Variants in SPART observed in about 807,000 individuals in gnomAD.
SPART encodes the protein spastic paraplegia 20 (Troyer syndrome).
SPART carries 35 observed loss-of-function variants against 58.7 expected under a neutral mutation model. The ratio of observed to expected loss-of-function variants is 0.60; its 90% CI spans 0.46 to 0.79. The LOEUF (loss-of-function observed/expected upper bound fraction) is 0.79, where lower values mean the gene tolerates loss of function less well. Ranked by LOEUF, SPART falls within the 30% of genes least tolerant of loss-of-function variation. The pLI is 0.00. For synonymous variants in SPART, 284 were observed against 280.7 expected, an observed-to-expected ratio of 1.01 and a Z score of -0.12; for missense variants, 730 against 786.1, an observed-to-expected ratio of 0.93 and a Z score of 0.85.
Position 36,318,962 on chromosome 13 carries a change from C to T in SPART, c.1289-4541G>A, listed in dbSNP as rs374496480. Among the ~76,000 whole-genome samples the T allele has an allele frequency of 2.4e-4, 36 of 152,052 alleles. No individual in the cohort carries two copies. The East Asian group carries it at 2.7e-3, about 11-fold the overall frequency. On this transcript the variant is annotated intron_variant, in intron 5 of 8. Transcript: ENST00000438666. Reference sequence around the variant, plus strand: ...CGGAAGCCCCCTAGACCATCACGGACGCTGAGCTTCAGGTAACTCTAACAG... The same window carrying T: ...CGGAAGCCCCCTAGACCATCACGGATGCTGAGCTTCAGGTAACTCTAACAG...
upstream of SPART, among the ~76,000 whole-genome samples, chr13:36,348,161 C>G (rs1400895786): frequency 6.6e-6 from 1 of 152,124 alleles, no homozygotes; most frequent in Non-Finnish European, 1.5e-5. Context: ...TGGTACACAT[C>G]TGTAGTCCCA....
At chr13:36,312,688 CT>C (rs1294638193) in intron 6 of SPART, 6 of 588,302 alleles carry the variant, frequency 1.0e-5, no homozygotes, top group African/African-American at 3.7e-5. Context: ...AGTGATCCTC[CT>C]GCCTCTGCCT....
chr13:36,329,223 T>C (rs1830879053), intron 4 of SPART, 139 bp downstream of exon 4: 1 of 876,846 alleles, frequency 1.1e-6, no homozygotes, highest in Non-Finnish European at 1.9e-6. Flanking sequence ...ATTCTAATTG[T>C]TTTTGCCAGT....
intron 5 of SPART, among the ~76,000 whole-genome samples, chr13:36,321,415 T>A (rs1415848939): frequency 1.3e-5 from 2 of 152,186 alleles, no homozygotes; most frequent in Admixed American, 6.5e-5. Context: ...GTCGTCCCAA[T>A]TCTTAGACCT....
intron 1 of SPART, among the ~76,000 whole-genome samples, chr13:36,362,651 ATCTTGAGTAGGAGGAGCCCTACTCCT>A (rs377167700): frequency 0.013 from 1,929 of 152,180 alleles, 31 homozygotes; most frequent in African/African-American, 0.044. Context: ...TCTTGAGTAG[ATCTTGAGTAGGAGGAGCCCTACTCCT>A]CCACCAGGCT....
At chr13:36,324,118 A>G (rs952996387) in intron 5 of SPART, among the ~76,000 whole-genome samples, 3 of 152,146 alleles carry the variant, frequency 2.0e-5, no homozygotes, top group Non-Finnish European at 2.9e-5. Context: ...TGCTATTCTG[A>G]ATGTTAATCT....
chr13:36,349,350 T>C (rs779034996), upstream of SPART, among the ~76,000 whole-genome samples: 4 of 152,230 alleles, frequency 2.6e-5, no homozygotes, highest in Non-Finnish European at 5.9e-5. Flanking sequence ...CTTCCACGTA[T>C]GGTTAAGTTA....
rs1164203148 is a variant in SPART, at chr13:36,303,941, ATACTT to A, written c.*419_*423del. The A allele has an allele frequency of 1.2e-5, 2 of 171,452 alleles. No individual in the cohort carries two copies. The highest frequency in any genetic ancestry group is 2.8e-3 in the Middle Eastern group (1 of 362). 10.6% of individuals were successfully genotyped at this position (171,452 alleles called of 1,614,324 possible). A position where few individuals can be genotyped will look rare whatever the true frequency, so the allele number is the denominator to read the frequency against. On this transcript the variant is annotated 3_prime_UTR_variant, in exon 9 of 9. Coordinates refer to ENST00000438666, the MANE Select transcript of SPART (RefSeq NM_015087.5). ...ACAATTAGTGCAAAAAGAGGGGACA[ATACTT>A]TAAGTCATTCCTTCTATAAAAAGAA...
At chr13:36,306,140 T>A (rs1009362819) in intron 8 of SPART, among the ~76,000 whole-genome samples, 1 of 152,202 alleles carries the variant, frequency 6.6e-6, no homozygotes, top group Non-Finnish European at 1.5e-5. Context: ...CTTCCAAGTC[T>A]GTACTACTCT....
At chr13:36,313,281 C>CT in intron 6 of SPART, among the ~76,000 whole-genome samples, 1 of 152,192 alleles carries the variant, frequency 6.6e-6, no homozygotes, top group Non-Finnish European at 1.5e-5. Flanking sequence ...TCCAGTCATG[C>CT]TGCATAATGA....
Position 36,304,584 on chromosome 13 carries a change from C to T in SPART, c.1782G>A (p.Ala594=), listed in dbSNP as rs201110879. Residue 594 remains alanine, a synonymous_variant, in exon 9 of 9, where the codon GCG becomes GCA. Transcript: ENST00000438666. ...TGTAGGCAGTTACGCCAACATTGAC[C>T]GCAGAATCCACCGCATGGTGGGTAG... The part of the protein sequence containing the change: ...GEATHHAVDS[A]VNVGVTAYNI... 180 of 1,613,932 alleles carry T rather than the reference C, an allele frequency of 1.1e-4. No individual in the cohort carries two copies. The highest frequency in any genetic ancestry group is 1.4e-4 in the Non-Finnish European group (169 of 1,179,992).
At chr13:36,347,544 C>T (rs575204954), upstream of SPART, among the ~76,000 whole-genome samples, 15 of 152,234 alleles carry the variant, frequency 9.9e-5, no homozygotes, top group East Asian at 1.5e-3. Flanking sequence ...TGAGTCACCG[C>T]GCCTGGCCTT....
intron 1 of SPART, among the ~76,000 whole-genome samples, chr13:36,353,714 A>G (rs1885511380): frequency 1.3e-5 from 2 of 152,178 alleles, no homozygotes; most frequent in South Asian, 4.1e-4. Context: ...ATTAGGAAAG[A>G]AGCAGCAGTC....
At chr13:36,322,214 A>G (rs973860106) in intron 5 of SPART, among the ~76,000 whole-genome samples, 1 of 152,118 alleles carries the variant, frequency 6.6e-6, no homozygotes. Context: ...TGGAAGGCCA[A>G]ATTGGGCGGA....
chr13:36,327,655 C>T (rs143525641), intron 4 of SPART, among the ~76,000 whole-genome samples: 14 of 152,090 alleles, frequency 9.2e-5, no homozygotes, highest in Middle Eastern at 3.4e-3. Context: ...TATTTAACTA[C>T]GCATAAAATA....
At chr13:36,318,509 C>T (rs1881983136) in intron 5 of SPART, among the ~76,000 whole-genome samples, 1 of 152,142 alleles carries the variant, frequency 6.6e-6, no homozygotes, top group African/African-American at 2.4e-5. Context: ...AAATATAACT[C>T]CAAAAATTAA....
At chr13:36,318,963 G>A (rs565198638) in intron 5 of SPART, among the ~76,000 whole-genome samples, 2 of 152,248 alleles carry the variant, frequency 1.3e-5, no homozygotes, top group Admixed American at 6.5e-5. Flanking sequence ...CATCACGGAC[G>A]CTGAGCTTCA....
intron 5 of SPART, among the ~76,000 whole-genome samples, chr13:36,322,778 A>C (rs1882547152): frequency 6.6e-6 from 1 of 152,198 alleles, no homozygotes; most frequent in South Asian, 2.1e-4. Context: ...CTTAGCACTT[A>C]ACCACCCTAT....
chr13:36,323,670 A>G (rs1191470722), intron 5 of SPART, among the ~76,000 whole-genome samples: 2 of 152,168 alleles, frequency 1.3e-5, no homozygotes, highest in African/African-American at 2.4e-5. Flanking sequence ...GTAAATCTTT[A>G]TTAATTTTCT....
Sources: gnomAD v4.1 joint callset for allele counts (sites outside exome capture counted in the v4.1 genomes callset) on GRCh38, gnomAD v4.1.1 for gene constraint, MANE v1.5 for transcripts, NCBI Gene and HGNC (gene_info 2026-07-23, HGNC 2026-07-21) for gene names.